DLGAP1: variants seen among roughly 807,000 people sequenced by gnomAD.
DLGAP1 encodes disks large-associated protein 1.
In DLGAP1, 11 loss-of-function variants were observed where a neutral mutation model predicts 90.8. That is an observed-to-expected ratio of 0.12 (90% CI 0.08 to 0.20). The LOEUF is 0.20. DLGAP1 is among the 10% of genes least tolerant of loss of function. The pLI, the probability that DLGAP1 is intolerant of heterozygous loss-of-function variation, is 1.00. For missense variants in DLGAP1, 1,050 were observed against 1,333.8 expected (o/e 0.79, Z 3.31); for synonymous variants, 558 against 540.7 (o/e 1.03, Z -0.44).
At chr18:3,832,254 G>GT (rs1454869848) in intron 4 of DLGAP1, among the ~76,000 whole-genome samples, 1 of 152,176 alleles carries the variant, frequency 6.6e-6, no homozygotes, top group Non-Finnish European at 1.5e-5. Flanking sequence ...CAGTGATGAT[G>GT]TTTTTCCTAT....
At chr18:4,240,121 T>A (rs535545888) in intron 1 of DLGAP1, among the ~76,000 whole-genome samples, 1 of 152,316 alleles carries the variant, frequency 6.6e-6, no homozygotes, top group East Asian at 1.9e-4. Flanking sequence ...AAACTGGTTT[T>A]CAGATTCAAA....
chr18:4,162,671 G>A (rs2076866449), intron 1 of DLGAP1, among the ~76,000 whole-genome samples: 2 of 152,018 alleles, frequency 1.3e-5, no homozygotes, highest in African/African-American at 4.8e-5. Context: ...TATTAAATTT[G>A]CCTCTAAGTC....
intron 1 of DLGAP1, among the ~76,000 whole-genome samples, chr18:4,347,313 C>T (rs1362721116): frequency 6.6e-6 from 1 of 151,988 alleles, no homozygotes; most frequent in Non-Finnish European, 1.5e-5. Context: ...TGCTGCAAAA[C>T]GTTGGAAATG....
At chr18:4,066,016 A>G (rs567902781) in intron 2 of DLGAP1, among the ~76,000 whole-genome samples, 55 of 152,202 alleles carry the variant, frequency 3.6e-4, no homozygotes, top group African/African-American at 1.1e-3. Flanking sequence ...ATGACCACAC[A>G]CCTACAAGTA....
intron 3 of DLGAP1, among the ~76,000 whole-genome samples, chr18:3,912,839 T>C (rs1030039264): frequency 1.1e-4 from 16 of 152,228 alleles, no homozygotes; most frequent in Middle Eastern, 3.4e-3. Context: ...GGGGCTAATA[T>C]TGTGATTTGA....
chr18:3,749,673 T>C (rs1260410281), intron 5 of DLGAP1, among the ~76,000 whole-genome samples: 2 of 152,226 alleles, frequency 1.3e-5, no homozygotes, highest in East Asian at 3.8e-4. Flanking sequence ...TAGAGATCTC[T>C]TGAACTTCAA....
intron 2 of DLGAP1, among the ~76,000 whole-genome samples, chr18:4,027,068 G>A (rs1186106671): frequency 2.0e-5 from 3 of 152,100 alleles, no homozygotes; most frequent in Non-Finnish European, 4.4e-5. Flanking sequence ...TTTATGTCAG[G>A]TGAATATTAA....
chr18:4,099,152 C>G (rs2075731374), intron 2 of DLGAP1, among the ~76,000 whole-genome samples: 1 of 152,184 alleles, frequency 6.6e-6, no homozygotes. Flanking sequence ...AAGTAATTGG[C>G]ATATTCTAAA....
intron 5 of DLGAP1, among the ~76,000 whole-genome samples, chr18:3,773,665 T>C (rs1208325691): frequency 6.6e-6 from 1 of 152,234 alleles, no homozygotes; most frequent in Non-Finnish European, 1.5e-5. Context: ...GCCACACTGA[T>C]AAAAACATCT....
intron 9 of DLGAP1, among the ~76,000 whole-genome samples, chr18:3,551,713 TCCCTCCCTC>T (rs2053466891): frequency 6.1e-5 from 2 of 32,662 alleles, no homozygotes; most frequent in African/African-American, 3.0e-4. Flanking sequence ...CCTCCCTCCC[TCCCTCCCTC>T]CCTTCCTTCC....
chr18:4,029,390 T>C (rs1450068619), intron 2 of DLGAP1, among the ~76,000 whole-genome samples: 1 of 152,164 alleles, frequency 6.6e-6, no homozygotes, highest in Non-Finnish European at 1.5e-5. Context: ...GTGCTGGTAG[T>C]TCTATTTTTA....
Position 3,499,496 on chromosome 18 carries a change from G to GATAC in DLGAP1, c.2725-103_2725-102insGTAT. 1 of 1,276,932 alleles carries GATAC rather than the reference G, an allele frequency of 7.8e-7. No homozygotes were observed. The highest frequency in any genetic ancestry group is 1.1e-6 in the Non-Finnish European group (1 of 922,732). 79.1% of individuals were successfully genotyped at this position (1,276,932 alleles called of 1,614,324 possible). The stretch of plus-strand genomic sequence containing the variant: ...TTAGAACACACAGTTTTTTACCTAG[G>GATAC]GGTGGTTAGTTCTGATCTGCACACT... On this transcript the variant is annotated intron_variant, in intron 12 of 12. Transcript: ENST00000315677. The surrounding 1 kb of genome is among the most constrained non-coding windows in gnomAD (Gnocchi z 6.4).
intron 1 of DLGAP1, among the ~76,000 whole-genome samples, chr18:4,283,022 T>C (rs1414628293): frequency 1.3e-5 from 2 of 152,252 alleles, no homozygotes; most frequent in East Asian, 1.9e-4. Flanking sequence ...TTATGCCGTA[T>C]GAAAAATGAC....
At chr18:4,308,325 A>G (rs2080314274) in intron 1 of DLGAP1, among the ~76,000 whole-genome samples, 1 of 152,216 alleles carries the variant, frequency 6.6e-6, no homozygotes, top group South Asian at 2.1e-4. Flanking sequence ...CTTAATAAAC[A>G]TAAACTTATT....
chr18:3,881,188 G>A (rs899126542), intron 3 of DLGAP1, among the ~76,000 whole-genome samples: 1 of 151,428 alleles, frequency 6.6e-6, no homozygotes, highest in Non-Finnish European at 1.5e-5. Context: ...GCAATGGCAC[G>A]ATCTCGGCTC....
chr18:3,601,245 C>T (rs1169736959), intron 7 of DLGAP1, among the ~76,000 whole-genome samples: 3 of 151,868 alleles, frequency 2.0e-5, no homozygotes. Flanking sequence ...TGCCACCATG[C>T]CAGCTATCTT....
At chr18:4,007,613 A>G (rs58979679) in intron 2 of DLGAP1, among the ~76,000 whole-genome samples, 13,334 of 152,110 alleles carry the variant, frequency 0.088, 1,679 homozygotes, top group African/African-American at 0.28. Context: ...CCGAGATTGC[A>G]TCACTGCACT....
chr18:3,991,348 G>A (rs1234704910), intron 3 of DLGAP1, among the ~76,000 whole-genome samples: 2 of 152,036 alleles, frequency 1.3e-5, no homozygotes, highest in African/African-American at 2.4e-5. Flanking sequence ...CTGTATTTCC[G>A]GTGGGGGGAT....
At chr18:3,613,857 T>C (rs139859405) in intron 7 of DLGAP1, among the ~76,000 whole-genome samples, 129 of 152,258 alleles carry the variant, frequency 8.5e-4, no homozygotes, top group Admixed American at 2.4e-3. Flanking sequence ...GTAAAAGCCC[T>C]TTGTAAGTTG....
Sources: allele counts gnomAD v4.1 joint callset (sites outside exome capture counted in the v4.1 genomes callset), GRCh38; gene constraint gnomAD v4.1.1; non-coding constraint Gnocchi (gnomAD v3.1); transcripts MANE v1.5; gene names NCBI Gene and HGNC (gene_info 2026-07-23, HGNC 2026-07-21).